CRMP1: variants seen among roughly 807,000 people sequenced by gnomAD.
CRMP1 encodes collapsin response mediator protein 1, also known as dihydropyrimidinase-related protein 1.
Under a neutral mutation model 68.3 loss-of-function variants are expected in CRMP1, and 19 were observed. The observed-to-expected ratio is 0.28, with a 90% confidence interval of 0.19 to 0.41. The LOEUF is 0.41. Among genes scored for constraint, CRMP1 ranks in the 10% least tolerant of loss-of-function variants. The pLI is 1.00. For synonymous variants in CRMP1, 439 were observed against 399.6 expected (o/e 1.10, Z -1.18); for missense variants, 791 against 967.4 (o/e 0.82, Z 2.42).
chr4:5,841,195 C>T lies in CRMP1; in HGVS notation c.1153+113G>A. On this transcript the variant is annotated intron_variant, in intron 8 of 13. Transcript: ENST00000324989. The surrounding 1 kb of genome is among the most constrained non-coding windows in gnomAD (Gnocchi z 6.9). ...TTGTGTCAGGAGCATCCCCGCTCCA[C>T]CCCTCCCTCCTCCGGCTGCCTGTCT... 1 of 1,541,302 alleles carries T rather than the reference C, an allele frequency of 6.5e-7. No homozygotes were observed. Among genetic ancestry groups the T allele is most frequent in the Non-Finnish European group, 8.9e-7 (1 of 1,121,652 alleles).
chr4:5,827,393 T>C (rs1719805678), intron 12 of CRMP1, among the ~76,000 whole-genome samples: 1 of 152,240 alleles, frequency 6.6e-6, no homozygotes, highest in Admixed American at 6.5e-5. Context: ...GCAAAGCATC[T>C]GTGCGACTTG....
Position 5,883,067 on chromosome 4 carries a change from C to T in CRMP1, c.381+9522G>A, listed in dbSNP as rs555905699. Reference sequence around the variant, plus strand: ...ATTCACCTGTGTGAAATATTCCACCCACCTTGCATGCCCTTCCCTTCCCTC... The same window carrying T: ...ATTCACCTGTGTGAAATATTCCACCTACCTTGCATGCCCTTCCCTTCCCTC... On this transcript the variant is annotated intron_variant, in intron 1 of 13. Coordinates refer to ENST00000324989, the MANE Select transcript of CRMP1 (RefSeq NM_001014809.3). The surrounding 1 kb of genome is among the most constrained non-coding windows in gnomAD (Gnocchi z 4.5). Among the ~76,000 whole-genome samples, 1 of 152,268 alleles carries T rather than the reference C, an allele frequency of 6.6e-6. No individual in the cohort carries two copies. Among genetic ancestry groups the T allele is most frequent in the Admixed American group, 6.5e-5 (1 of 15,288 alleles).
intron 1 of CRMP1, among the ~76,000 whole-genome samples, chr4:5,874,682 G>C (rs1714687800): frequency 6.6e-6 from 1 of 151,994 alleles, no homozygotes; most frequent in Non-Finnish European, 1.5e-5. Context: ...TTTGAAAAGA[G>C]AGAGGGAGTG....
At chr4:5,868,531 G>A (rs1000975028) in intron 1 of CRMP1, among the ~76,000 whole-genome samples, 4 of 151,812 alleles carry the variant, frequency 2.6e-5, no homozygotes, top group East Asian at 1.9e-4. Context: ...TCAATCTCCC[G>A]ACCTCATGAT....
intron 10 of CRMP1, among the ~76,000 whole-genome samples, chr4:5,836,372 C>G (rs1413975218): frequency 2.0e-5 from 3 of 152,216 alleles, no homozygotes; most frequent in Non-Finnish European, 2.9e-5. Flanking sequence ...GGTTTCAGGT[C>G]AGTGATCAGA....
rs1197348387 is a variant in CRMP1 at position 5,842,608 on chromosome 4, ACACACACACTCACT to A, written c.1032+471_1032+484del. Among the ~76,000 whole-genome samples the A allele has an allele frequency of 3.3e-5, 5 of 150,628 alleles. 1 individual carries two copies. The highest frequency in any genetic ancestry group is 1.2e-4 in the African/African-American group (5 of 40,842). ...CACTCACACACTCTCTCACACACAC[ACACACACACTCACT>A]CACACACACACACACGCACTGTCTC... On this transcript the variant is annotated intron_variant, in intron 7 of 13. Transcript: ENST00000324989. The surrounding 1 kb of genome is among the most constrained non-coding windows in gnomAD (Gnocchi z 4.5).
chr4:5,893,077 G>A lies in CRMP1; in HGVS notation c.-108C>T, dbSNP rs1043974997. On this transcript the variant is annotated 5_prime_UTR_variant, in exon 1 of 14. Transcript: ENST00000324989. ...TCGGTGCGGGCCTGCGGCGGCCCGGGCGCGACTGCGGCCCAGGGAGGGGAG... is the reference window on the plus strand; with the variant it reads ...TCGGTGCGGGCCTGCGGCGGCCCGGACGCGACTGCGGCCCAGGGAGGGGAG... 291 of 768,914 alleles carry A rather than the reference G, an allele frequency of 3.8e-4. 1 individual carries two copies. In the African/African-American group the frequency reaches 5.2e-3, roughly 14 times the overall value. 47.6% of individuals were successfully genotyped at this position (768,914 alleles called of 1,614,324 possible). A position where few individuals can be genotyped will look rare whatever the true frequency, so the allele number is the denominator to read the frequency against.
Position 5,860,275 on chromosome 4 carries a change from C to G in CRMP1, c.655+751G>C, listed in dbSNP as rs147150488. Among the ~76,000 whole-genome samples the G allele has an allele frequency of 6.4e-3, 980 of 152,266 alleles. 14 individuals are homozygous for G. The highest frequency in any genetic ancestry group is 0.022 in the African/African-American group (907 of 41,546). On this transcript the variant is annotated intron_variant, in intron 3 of 13. Transcript: ENST00000324989. The surrounding 1 kb of genome is among the most constrained non-coding windows in gnomAD (Gnocchi z 4.2). ...GAAGAAAGGCAAGTTTCGGCCAGAA[C>G]CCCCTGCATTCTGCCATCCACCAGG...
chr4:5,854,155 G>A lies in CRMP1; in HGVS notation c.820+1988C>T, dbSNP rs1211007966. On this transcript the variant is annotated intron_variant, in intron 4 of 13. Coordinates refer to ENST00000324989, the MANE Select transcript of CRMP1 (RefSeq NM_001014809.3). The surrounding 1 kb of genome is among the most constrained non-coding windows in gnomAD (Gnocchi z 4.0). ...GAAAATTGCTCAGAACTTAACATTA[G>A]GTAAGGAAAGTAAGATACAAGACTG... Among the ~76,000 whole-genome samples, 2 of 152,182 alleles carry A rather than the reference G, an allele frequency of 1.3e-5. No individual in the cohort carries two copies. The highest frequency in any genetic ancestry group is 2.4e-5 in the African/African-American group (1 of 41,446).
In CRMP1 at chr4:5,828,579, T is replaced by C; in HGVS notation, c.1713A>G (p.Gly571=). The C allele has an allele frequency of 1.2e-6, 2 of 1,614,222 alleles. No individual in the cohort carries two copies. Among genetic ancestry groups the C allele is most frequent in the Non-Finnish European group, 1.7e-6 (2 of 1,180,038 alleles). The part of the protein sequence containing the change: ...ISQGKIVFED[G]NINVNKGMGR... ...CCATGCCCTTGTTGACGTTGATGTT[T>C]CCGTCTTCAAAGACGATCTTGCCCT... Residue 571 remains glycine (G), a synonymous_variant, in exon 12 of 14, where the codon GGA becomes GGG. Transcript: ENST00000324989.
intron 1 of CRMP1, among the ~76,000 whole-genome samples, chr4:5,874,902 A>G (rs1028490609): frequency 5.9e-5 from 9 of 152,192 alleles, no homozygotes; most frequent in Non-Finnish European, 8.8e-5. Context: ...CCTGCACGCT[A>G]CAGATGCTGC....
chr4:5,839,374 A>G, intron 9 of CRMP1, 148 bp downstream of exon 9: 1 of 966,134 alleles, frequency 1.0e-6, no homozygotes, highest in Non-Finnish European at 1.5e-6. Context: ...GCCTGTTGTA[A>G]GCCATATGAG....
chr4:5,825,656 A>G lies in CRMP1; in HGVS notation c.1807T>C (p.Phe603Leu), dbSNP rs1307924337. 5 of 1,612,456 alleles carry G rather than the reference A, an allele frequency of 3.1e-6. No homozygotes were observed. In the Admixed American group the frequency reaches 6.7e-5, roughly 22 times the overall value. ...YQRVKIRNKVFGLQGVSRGMY... is the reference protein window; with the variant it reads ...YQRVKIRNKVLGLQGVSRGMY... ...CCCCTGGAAACCCCTTGCAATCCAA[A>G]AACCTAAACAGAGGAAGGGAGAGTG... The change falls in exon 13 of 14, where the codon TTT becomes CTT. Residue 603 changes from phenylalanine (F) to leucine (L), a missense_variant. By Grantham distance (22) the Phe-to-Leu change is conservative (BLOSUM62 0). Transcript: ENST00000324989. This position sits in a 1 kb window ranked among gnomAD's most constrained non-coding sequence, Gnocchi z 4.4.
intron 12 of CRMP1, among the ~76,000 whole-genome samples, chr4:5,827,186 GCTGA>G (rs1719773192): frequency 6.6e-6 from 1 of 152,220 alleles, no homozygotes; most frequent in Non-Finnish European, 1.5e-5. Flanking sequence ...CCTCACGGAA[GCTGA>G]CTGTTAACCG....
At chr4:5,873,514 G>T (rs955410457) in intron 1 of CRMP1, among the ~76,000 whole-genome samples, 2 of 152,042 alleles carry the variant, frequency 1.3e-5, no homozygotes, top group East Asian at 1.9e-4. Context: ...AAGGCAAAGT[G>T]GGGGGTGGGG....
intron 5 of CRMP1, among the ~76,000 whole-genome samples, chr4:5,851,060 C>T (rs1056881349): frequency 3.3e-5 from 5 of 152,194 alleles, no homozygotes; most frequent in African/African-American, 2.4e-5. Flanking sequence ...CAGGATCAAA[C>T]GCAGAGCTTT....
At chr4:5,829,972 C>A (rs759355459) in intron 11 of CRMP1, among the ~76,000 whole-genome samples, 1 of 152,166 alleles carries the variant, frequency 6.6e-6, no homozygotes. Context: ...CCATTCCCAA[C>A]AAAACTCCGT....
At chr4:5,874,288 G>T (rs1340814621) in intron 1 of CRMP1, among the ~76,000 whole-genome samples, 1 of 152,132 alleles carries the variant, frequency 6.6e-6, no homozygotes, top group African/African-American at 2.4e-5. Context: ...TTTTAAGCAC[G>T]AACAAAAGTG....
intron 12 of CRMP1, among the ~76,000 whole-genome samples, chr4:5,827,181 C>G (rs968754214): frequency 2.6e-5 from 4 of 152,206 alleles, no homozygotes; most frequent in Admixed American, 2.6e-4. Context: ...TCTGCCCTCA[C>G]GGAAGCTGAC....
Sources: allele counts gnomAD v4.1 joint callset (sites outside exome capture counted in the v4.1 genomes callset), GRCh38; gene constraint gnomAD v4.1.1; non-coding constraint Gnocchi (gnomAD v3.1); transcripts MANE v1.5; gene names NCBI Gene and HGNC (gene_info 2026-07-23, HGNC 2026-07-21).